The following GPC5 variants were observed in gnomAD, a reference collection of about 807,000 sequenced individuals.
GPC5 encodes glypican-5.
In GPC5, 47 loss-of-function variants were observed where a neutral mutation model predicts 53.9. The ratio of observed to expected loss-of-function variants is 0.87; its 90% CI spans 0.69 to 1.11. The LOEUF is 1.11. GPC5 is among the 50% of genes most tolerant of loss of function. The pLI, the probability that GPC5 is intolerant of heterozygous loss-of-function variation, is 0.00. For synonymous variants in GPC5, 286 were observed against 263.3 expected, an observed-to-expected ratio of 1.09 and a Z score of -0.84; for missense variants, 748 against 713.1, an observed-to-expected ratio of 1.05 and a Z score of -0.56.
intron 7 of GPC5, among the ~76,000 whole-genome samples, chr13:92,238,493 T>C (rs1298447430): frequency 6.6e-6 from 1 of 152,088 alleles, no homozygotes; most frequent in Admixed American, 6.6e-5. Flanking sequence ...GCAATTTGTA[T>C]CTCTTCATTA....
chr13:92,441,706 C>T (rs533317414), intron 7 of GPC5, among the ~76,000 whole-genome samples: 2 of 152,252 alleles, frequency 1.3e-5, no homozygotes, highest in East Asian at 1.9e-4. Context: ...AATGGACAAA[C>T]ATTCCATGCT....
Position 92,031,714 on chromosome 13 carries a change from CATATATGTA to C in GPC5, c.1402-113109_1402-113101del, listed in dbSNP as rs1566403078. Among the ~76,000 whole-genome samples the C allele has an allele frequency of 8.4e-3, 194 of 23,156 alleles. 28 individuals are homozygous for C. Among genetic ancestry groups the C allele is most frequent in the African/African-American group, 0.029 (181 of 6,252 alleles). The allele number at this position is 23,156 out of a possible 152,430, so 15.2% of individuals were successfully genotyped here. On this transcript the variant is annotated intron_variant, in intron 6 of 7. Coordinates refer to ENST00000377067, the MANE Select transcript of GPC5 (RefSeq NM_004466.6). ...TATATATAATATATTATATATATTA[CATATATGTA>C]ATATATTACATATTATATATAATAT...
At chr13:91,419,402 G>C (rs1236793951) in intron 1 of GPC5, among the ~76,000 whole-genome samples, 1 of 152,118 alleles carries the variant, frequency 6.6e-6, no homozygotes, top group East Asian at 1.9e-4. Context: ...TTTTATTTTA[G>C]CAGAATAACG....
chr13:92,171,658 C>T (rs1163831835), intron 7 of GPC5, among the ~76,000 whole-genome samples: 1 of 152,170 alleles, frequency 6.6e-6, no homozygotes, highest in Non-Finnish European at 1.5e-5. Flanking sequence ...CTTGACCCAT[C>T]CCTTTCATTT....
At chr13:91,530,077 C>T (rs558022171) in intron 2 of GPC5, among the ~76,000 whole-genome samples, 1 of 152,316 alleles carries the variant, frequency 6.6e-6, no homozygotes, top group African/African-American at 2.4e-5. Flanking sequence ...TCTTTAATTA[C>T]AAGAAAATGT....
chr13:92,491,537 G>A lies in GPC5; in HGVS notation c.1561+346548G>A, dbSNP rs372675238. On this transcript the variant is annotated intron_variant, in intron 7 of 7. Coordinates refer to ENST00000377067, the MANE Select transcript of GPC5 (RefSeq NM_004466.6). ...TTTTCTCAACACACATCGGCAGCAC[G>A]TTCTTCACATTCATTTGGTCAGGAG... Among the ~76,000 whole-genome samples, 21 of 152,180 alleles carry A rather than the reference G, an allele frequency of 1.4e-4. 1 individual carries two copies. In the Middle Eastern group the frequency reaches 0.02, roughly 148 times the overall value.
At chr13:92,403,748 A>G (rs943733193) in intron 7 of GPC5, among the ~76,000 whole-genome samples, 8 of 152,212 alleles carry the variant, frequency 5.3e-5, no homozygotes, top group African/African-American at 1.7e-4. Context: ...GAAGATGTAG[A>G]TTCCTATCAA....
intron 7 of GPC5, among the ~76,000 whole-genome samples, chr13:92,746,036 A>G (rs1052016702): frequency 6.6e-6 from 1 of 152,090 alleles, no homozygotes; most frequent in Admixed American, 6.6e-5. Flanking sequence ...AGCTATATCT[A>G]ATCAGTTGTT....
At chr13:92,544,136 T>C (rs1317192436) in intron 7 of GPC5, among the ~76,000 whole-genome samples, 2 of 152,062 alleles carry the variant, frequency 1.3e-5, no homozygotes, top group East Asian at 3.9e-4. Flanking sequence ...GAGGGAGGTG[T>C]GATTTGTAAC....
At chr13:91,691,651 A>G (rs1453097683) in intron 2 of GPC5, among the ~76,000 whole-genome samples, 2 of 152,198 alleles carry the variant, frequency 1.3e-5, no homozygotes, top group African/African-American at 2.4e-5. Flanking sequence ...AAGCCTGGAA[A>G]TCAATGTGAA....
intron 7 of GPC5, among the ~76,000 whole-genome samples, chr13:92,160,850 GTCTC>G (rs2041982557): frequency 6.6e-6 from 1 of 152,110 alleles, no homozygotes; most frequent in African/African-American, 2.4e-5. Flanking sequence ...CAAATTCCAA[GTCTC>G]TCTCCTTCAC....
Position 92,662,412 on chromosome 13 carries a change from A to G in GPC5, c.1562-203870A>G, listed in dbSNP as rs1362361880. Among the ~76,000 whole-genome samples, 4 of 152,146 alleles carry G rather than the reference A, an allele frequency of 2.6e-5. No individual in the cohort carries two copies. In the South Asian group the frequency reaches 8.3e-4, roughly 32 times the overall value. ...GTTCCTGCATTTAGACTTTCCTTCC[A>G]TTAATCTATTCTACTCAATGCTTCT... On this transcript the variant is annotated intron_variant, in intron 7 of 7. Transcript: ENST00000377067.
chr13:91,459,105 G>C (rs764374173), intron 2 of GPC5, among the ~76,000 whole-genome samples: 25 of 151,974 alleles, frequency 1.6e-4, no homozygotes, highest in Non-Finnish European at 2.2e-4. Flanking sequence ...ACTGGGTACA[G>C]TGCACACTGC....
intron 2 of GPC5, among the ~76,000 whole-genome samples, chr13:91,470,707 A>G (rs928870495): frequency 2.0e-5 from 3 of 152,154 alleles, no homozygotes; most frequent in Non-Finnish European, 2.9e-5. Context: ...TATACATGTA[A>G]AAGTGTCTGA....
intron 5 of GPC5, among the ~76,000 whole-genome samples, chr13:91,853,418 A>T (rs961622109): frequency 6.6e-6 from 1 of 152,018 alleles, no homozygotes; most frequent in Non-Finnish European, 1.5e-5. Context: ...AAATTAAGGT[A>T]CATCTTAGAA....
chr13:92,854,694 G>A (rs1369600321), intron 7 of GPC5, among the ~76,000 whole-genome samples: 1 of 151,916 alleles, frequency 6.6e-6, no homozygotes, highest in Admixed American at 6.6e-5. Context: ...CCGTAGCCTG[G>A]CAAATCCAAA....
chr13:92,764,494 A>G (rs1875317014), intron 7 of GPC5, among the ~76,000 whole-genome samples: 1 of 152,180 alleles, frequency 6.6e-6, no homozygotes, highest in African/African-American at 2.4e-5. Context: ...GTCCCTATGA[A>G]AACTGCAGAA....
chr13:92,557,938 A>T (rs975220974), intron 7 of GPC5, among the ~76,000 whole-genome samples: 9 of 152,042 alleles, frequency 5.9e-5, no homozygotes, highest in Non-Finnish European at 1.3e-4. Context: ...TTGACATTTA[A>T]TCAAGACTGT....
chr13:92,805,749 T>C (rs1274483243), intron 7 of GPC5, among the ~76,000 whole-genome samples: 1 of 152,040 alleles, frequency 6.6e-6, no homozygotes, highest in African/African-American at 2.4e-5. Context: ...GGATCTTTTT[T>C]TTCTGAGCAG....
Sources: gnomAD v4.1 joint callset for allele counts (sites outside exome capture counted in the v4.1 genomes callset) on GRCh38, gnomAD v4.1.1 for gene constraint, MANE v1.5 for transcripts, NCBI Gene and HGNC (gene_info 2026-07-23, HGNC 2026-07-21) for gene names.